Variants in ARHGAP15 observed in about 807,000 individuals in gnomAD.
ARHGAP15 encodes rho GTPase-activating protein 15.
Under a neutral mutation model 63.7 loss-of-function variants are expected in ARHGAP15, and 51 were observed. The ratio of observed to expected loss-of-function variants is 0.80; its 90% CI spans 0.64 to 1.01. The LOEUF is 1.01. ARHGAP15 is among the 50% of genes least tolerant of loss of function. The probability of loss-of-function intolerance (pLI) is 0.00; values close to 1 mark genes in which losing one functional copy is unlikely to be tolerated. For missense variants in ARHGAP15, 560 were observed against 564.6 expected, an observed-to-expected ratio of 0.99 and a Z score of 0.08; for synonymous variants, 191 against 193.8, an observed-to-expected ratio of 0.99 and a Z score of 0.12.
chr2:143,195,264 A>G (rs1691847276), intron 2 of ARHGAP15, among the ~76,000 whole-genome samples: 1 of 152,190 alleles, frequency 6.6e-6, no homozygotes, highest in Non-Finnish European at 1.5e-5. Context: ...CACTATGGCA[A>G]TTGAATGATA....
At chr2:143,374,048 C>A (rs543666227) in intron 6 of ARHGAP15, among the ~76,000 whole-genome samples, 1 of 152,248 alleles carries the variant, frequency 6.6e-6, no homozygotes, top group East Asian at 1.9e-4. Flanking sequence ...TATTGTGTAT[C>A]TGTGAGGTAC....
rs1393926387 is a variant in ARHGAP15, at chr2:143,620,438, A to T, written c.1004-3695A>T. On this transcript the variant is annotated intron_variant, in intron 11 of 13. Transcript: ENST00000295095. ...TTCTACAAGTCTGTAATTACCAAAGATGAGAGTCAGTTTACAGGTAAAAGC... is the reference window on the plus strand; with the variant it reads ...TTCTACAAGTCTGTAATTACCAAAGTTGAGAGTCAGTTTACAGGTAAAAGC... 3.9e-5 allele frequency among the ~76,000 whole-genome samples: 6 copies of T among 152,216 alleles called. No homozygotes were observed. In the South Asian group the frequency reaches 1.2e-3, roughly 32 times the overall value.
chr2:143,435,655 A>G lies in ARHGAP15; in HGVS notation c.529A>G (p.Ile177Val), dbSNP rs375193013. Residue 177 changes from isoleucine to valine, a missense_variant, in exon 7 of 14, where the codon ATA (isoleucine) becomes GTA (valine). Physicochemically the swap from Ile to Val is conservative, Grantham distance 29 (BLOSUM62 3). Coordinates refer to ENST00000295095, the MANE Select transcript of ARHGAP15 (RefSeq NM_018460.4). ...FLLQSDIDFI[I>V]LDWFHAIKNA... ...TCTACAGTCAGATATTGACTTCATC[A>G]TATTGGATTGGTTCCACGCTATCAA... is the stretch of plus-strand genomic sequence containing the variant. 5 of 1,604,932 alleles carry G rather than the reference A, an allele frequency of 3.1e-6. No homozygotes were observed. The highest frequency in any genetic ancestry group is 2.7e-5 in the African/African-American group (2 of 73,710).
chr2:143,176,620 C>T (rs989228778), intron 2 of ARHGAP15, among the ~76,000 whole-genome samples: 8 of 152,034 alleles, frequency 5.3e-5, no homozygotes, highest in Middle Eastern at 3.4e-3. Context: ...TGGTTGTAAA[C>T]GTAGAAACCC....
intron 12 of ARHGAP15, among the ~76,000 whole-genome samples, chr2:143,639,381 C>G (rs1162680421): frequency 6.6e-6 from 1 of 152,030 alleles, no homozygotes; most frequent in East Asian, 1.9e-4. Flanking sequence ...CATTCTTGTG[C>G]CTGGGTCACT....
chr2:143,519,236 T>G lies in ARHGAP15; in HGVS notation c.827-30T>G, dbSNP rs754839872. The G allele has an allele frequency of 5.9e-6, 9 of 1,515,310 alleles. No homozygotes were observed. In the South Asian group the frequency reaches 9.0e-5, roughly 15 times the overall value. The allele number at this position is 1,515,310 out of a possible 1,614,324, so 93.9% of individuals were successfully genotyped here. A position where few individuals can be genotyped will look rare whatever the true frequency, so the allele number is the denominator to read the frequency against. ...TAAAGAACAACGCAAGCTTGGATTT[T>G]AATGAAGCTCATCTTTGTTTCTTTT... On this transcript the variant is annotated intron_variant, in intron 9 of 13. Coordinates refer to ENST00000295095, the MANE Select transcript of ARHGAP15 (RefSeq NM_018460.4).
chr2:143,572,055 A>G (rs1696479438), intron 11 of ARHGAP15: 1 of 152,204 alleles, frequency 6.6e-6, no homozygotes, highest in Non-Finnish European at 1.5e-5. Flanking sequence ...TACTGGTTTT[A>G]GTCTATTTCA....
intron 6 of ARHGAP15, among the ~76,000 whole-genome samples, chr2:143,300,293 C>T (rs1164327626): frequency 6.6e-6 from 1 of 151,990 alleles, no homozygotes; most frequent in Non-Finnish European, 1.5e-5. Context: ...ACCTCAGGAT[C>T]AGGTGTGGCC....
Position 143,583,171 on chromosome 2 carries a change from T to G in ARHGAP15, c.1003+26686T>G, listed in dbSNP as rs140597219. ...AATGTAAGAGGAGTTTCAAGAGAAG[T>G]GAGCTGCAGATCCACATAGGAACAT... On this transcript the variant is annotated intron_variant, in intron 11 of 13. Coordinates refer to ENST00000295095, the MANE Select transcript of ARHGAP15 (RefSeq NM_018460.4). Among the ~76,000 whole-genome samples, 342 of 152,298 alleles carry G rather than the reference T, an allele frequency of 2.2e-3. 1 individual carries two copies. The highest frequency in any genetic ancestry group is 7.9e-3 in the African/African-American group (328 of 41,568).
chr2:143,204,776 G>A (rs1263447105), intron 3 of ARHGAP15, among the ~76,000 whole-genome samples: 1 of 151,974 alleles, frequency 6.6e-6, no homozygotes, highest in Non-Finnish European at 1.5e-5. Context: ...CTCCAATGAA[G>A]CTGATACCTC....
intron 8 of ARHGAP15, among the ~76,000 whole-genome samples, chr2:143,465,297 C>T (rs1232187459): frequency 2.0e-5 from 3 of 152,254 alleles, no homozygotes; most frequent in South Asian, 4.1e-4. Flanking sequence ...CAGTTTTAAA[C>T]GAATTTCTGT....
At chr2:143,696,343 G>A (rs1338097206) in intron 12 of ARHGAP15, among the ~76,000 whole-genome samples, 1 of 150,144 alleles carries the variant, frequency 6.7e-6, no homozygotes, top group African/African-American at 2.4e-5. Flanking sequence ...TGAATAAATA[G>A]GGTTTTCTTA....
Position 143,479,339 on chromosome 2 carries a change from GT to G in ARHGAP15, c.704-8022del, listed in dbSNP as rs79266101. ...TACCACGCCTACAACTCTTTTTGGG[GT>G]TTTTTTTTTTTCTCTTTTATGGACT... is the stretch of plus-strand genomic sequence containing the variant. On this transcript the variant is annotated intron_variant, in intron 8 of 13. Transcript: ENST00000295095. 3.5e-3 allele frequency among the ~76,000 whole-genome samples: 500 copies of G among 144,248 alleles called. 2 individuals are homozygous for G. The highest frequency in any genetic ancestry group is 7.0e-3 in the African/African-American group (278 of 39,624). 94.6% of individuals were successfully genotyped at this position (144,248 alleles called of 152,430 possible).
At chr2:143,330,313 A>T (rs1684490861) in intron 6 of ARHGAP15, among the ~76,000 whole-genome samples, 1 of 151,742 alleles carries the variant, frequency 6.6e-6, no homozygotes, top group Non-Finnish European at 1.5e-5. Flanking sequence ...CTGCCTAAAA[A>T]ATTTTGTAGA....
chr2:143,678,957 CTAAAT>C (rs1364608395), intron 12 of ARHGAP15, among the ~76,000 whole-genome samples: 1 of 152,094 alleles, frequency 6.6e-6, no homozygotes, highest in Non-Finnish European at 1.5e-5. Context: ...ATGCATTAAA[CTAAAT>C]AACCATTAAA....
At chr2:143,483,970 G>C (rs1692193573) in intron 8 of ARHGAP15, among the ~76,000 whole-genome samples, 1 of 152,138 alleles carries the variant, frequency 6.6e-6, no homozygotes, top group Admixed American at 6.5e-5. Flanking sequence ...GCTCAGACCT[G>C]TAATTCCAGC....
At position 143,296,211 on chromosome 2, in the gene ARHGAP15, G is replaced by T. The variant is rs763610971; in HGVS notation, c.474+45611G>T. ...TGAGGAGCCACCTCTGACTACGACTGTCCCTCTCTGTCAATCACAGAGCAC... is the reference window on the plus strand; with the variant it reads ...TGAGGAGCCACCTCTGACTACGACTTTCCCTCTCTGTCAATCACAGAGCAC... On this transcript the variant is annotated intron_variant, in intron 6 of 13. Coordinates refer to ENST00000295095, the MANE Select transcript of ARHGAP15 (RefSeq NM_018460.4). Among the ~76,000 whole-genome samples the T allele has an allele frequency of 2.6e-5, 4 of 151,984 alleles. No homozygotes were observed. In the South Asian group the frequency reaches 8.3e-4, roughly 31 times the overall value.
chr2:143,541,372 C>G (rs1574605732), intron 10 of ARHGAP15, among the ~76,000 whole-genome samples: 1 of 152,210 alleles, frequency 6.6e-6, no homozygotes, highest in African/African-American at 2.4e-5. Context: ...CTTCTTCTCT[C>G]AACTCGTCAA....
At chr2:143,367,968 G>T (rs904685963) in intron 6 of ARHGAP15, among the ~76,000 whole-genome samples, 4 of 151,988 alleles carry the variant, frequency 2.6e-5, no homozygotes, top group African/African-American at 9.7e-5. Flanking sequence ...GTAGTTTATT[G>T]AAAGATCAAT....
Sources: gnomAD v4.1 joint callset for allele counts (sites outside exome capture counted in the v4.1 genomes callset) on GRCh38, gnomAD v4.1.1 for gene constraint, MANE v1.5 for transcripts, NCBI Gene and HGNC (gene_info 2026-07-23, HGNC 2026-07-21) for gene names.